The following PTPRK variants were observed in gnomAD, a reference collection of about 807,000 sequenced individuals.
The protein encoded by PTPRK is protein tyrosine phosphatase receptor type K.
In PTPRK, 75 loss-of-function variants were observed where a neutral mutation model predicts 178.0. That is an observed-to-expected ratio of 0.42 (90% CI 0.35 to 0.51). The LOEUF is 0.51. PTPRK is among the 20% of genes least tolerant of loss of function. The probability of loss-of-function intolerance (pLI) is 0.02; values close to 1 mark genes in which losing one functional copy is unlikely to be tolerated. For synonymous variants in PTPRK, 637 were observed against 620.6 expected (o/e 1.03, Z -0.39); for missense variants, 1,441 against 1,797.8 (o/e 0.80, Z 3.59).
chr6:128,482,424 G>A (rs557504312), intron 1 of PTPRK, among the ~76,000 whole-genome samples: 29 of 152,278 alleles, frequency 1.9e-4, no homozygotes, highest in African/African-American at 7.0e-4. Context: ...ATGTGGTCAT[G>A]AGACATGGGA....
intron 3 of PTPRK, among the ~76,000 whole-genome samples, chr6:128,269,028 T>G (rs1819381044): frequency 6.6e-6 from 1 of 152,174 alleles, no homozygotes; most frequent in Non-Finnish European, 1.5e-5. Context: ...AGTCTTATCA[T>G]TGGCTTTCCA....
At position 128,355,635 on chromosome 6, in the gene PTPRK, G is replaced by A. The variant is rs115228062; in HGVS notation, c.224-33325C>T. ...TAAAAAAATATTCTTTACACACACC[G>A]GGGCCTGTTGTGGGGTGGGAGGACG... On this transcript the variant is annotated intron_variant, in intron 2 of 29. Transcript: ENST00000368226. Among the ~76,000 whole-genome samples the A allele has an allele frequency of 9.1e-3, 1,385 of 152,158 alleles. 19 individuals are homozygous for A. Among genetic ancestry groups the A allele is most frequent in the African/African-American group, 0.031 (1,299 of 41,502 alleles).
At chr6:128,207,012 C>T (rs1162933550) in intron 6 of PTPRK, among the ~76,000 whole-genome samples, 1 of 152,146 alleles carries the variant, frequency 6.6e-6, no homozygotes, top group Admixed American at 6.6e-5. Context: ...TTCACAGCTG[C>T]CAAAAATCTG....
intron 3 of PTPRK, among the ~76,000 whole-genome samples, chr6:128,280,554 A>T (rs1488169500): frequency 1.3e-5 from 2 of 152,190 alleles, no homozygotes; most frequent in African/African-American, 4.8e-5. Context: ...TGTGTTCAAA[A>T]GGCACCTTTG....
chr6:128,384,385 AT>A (rs35279204), intron 2 of PTPRK, among the ~76,000 whole-genome samples: 8 of 150,526 alleles, frequency 5.3e-5, no homozygotes, highest in African/African-American at 1.9e-4. Flanking sequence ...CAATATTTCT[AT>A]TTTTTTTTTC....
At chr6:128,088,432 G>C (rs1488943910) in intron 8 of PTPRK, among the ~76,000 whole-genome samples, 1 of 151,576 alleles carries the variant, frequency 6.6e-6, no homozygotes, top group African/African-American at 2.4e-5. Context: ...AGCTACTTAA[G>C]AAGAAGTTTA....
At chr6:128,331,598 G>T (rs78661843) in intron 2 of PTPRK, among the ~76,000 whole-genome samples, 1,580 of 152,196 alleles carry the variant, frequency 0.01, 24 homozygotes, top group African/African-American at 0.034. Flanking sequence ...TTTTTGTACA[G>T]TCTAGTTTTA....
chr6:128,165,251 A>G (rs904033730), intron 7 of PTPRK, among the ~76,000 whole-genome samples: 1 of 151,404 alleles, frequency 6.6e-6, no homozygotes, highest in African/African-American at 2.4e-5. Context: ...TTTGTTATAT[A>G]AAAAAGAAAT....
At chr6:128,040,426 G>T (rs1776976728) in intron 13 of PTPRK, among the ~76,000 whole-genome samples, 1 of 151,988 alleles carries the variant, frequency 6.6e-6, no homozygotes, top group African/African-American at 2.4e-5. Context: ...CTGGGAAACA[G>T]CAGCAAATAG....
At chr6:128,096,557 A>G (rs1787931942) in intron 7 of PTPRK, among the ~76,000 whole-genome samples, 1 of 152,206 alleles carries the variant, frequency 6.6e-6, no homozygotes, top group South Asian at 2.1e-4. Context: ...GTTTTTAATG[A>G]TAAAACTTAT....
At chr6:128,508,351 G>T (rs182045990) in intron 1 of PTPRK, among the ~76,000 whole-genome samples, 279 of 152,170 alleles carry the variant, frequency 1.8e-3, no homozygotes, top group Non-Finnish European at 2.6e-3. Context: ...TAAATGAAAG[G>T]ATATAAACCT....
intron 1 of PTPRK, among the ~76,000 whole-genome samples, chr6:128,422,277 C>T (rs1181008101): frequency 6.6e-6 from 1 of 152,056 alleles, no homozygotes; most frequent in Non-Finnish European, 1.5e-5. Context: ...CTCACTCTCC[C>T]CCACCTTCTC....
At chr6:128,173,180 G>A (rs1562723467) in intron 7 of PTPRK, among the ~76,000 whole-genome samples, 2 of 151,980 alleles carry the variant, frequency 1.3e-5, no homozygotes, top group Non-Finnish European at 2.9e-5. Context: ...TGCAGCTACA[G>A]AAATCACAAT....
chr6:127,997,003 C>G lies in PTPRK; in HGVS notation c.2680-15G>C, dbSNP rs373589075. The G allele has an allele frequency of 1.5e-5, 24 of 1,606,776 alleles. No homozygotes were observed. The highest frequency in any genetic ancestry group is 2.0e-5 in the Non-Finnish European group (23 of 1,175,312). On this transcript the variant is annotated splice_polypyrimidine_tract_variant and intron_variant, in intron 16 of 29. Transcript: ENST00000368226. ...TCAAAAAAGCTCTGGGAAAACAAAA[C>G]GAATAAGCAGACTGAATTTAATTCC...
chr6:128,197,175 T>C (rs13195658), intron 6 of PTPRK, among the ~76,000 whole-genome samples: 4 of 101,420 alleles, frequency 3.9e-5, no homozygotes, highest in Non-Finnish European at 7.6e-5. Context: ...TAATCTCTTT[T>C]GTTTTTTTCT....
chr6:128,202,844 A>G (rs1806219437), intron 6 of PTPRK, among the ~76,000 whole-genome samples: 1 of 152,204 alleles, frequency 6.6e-6, no homozygotes, highest in South Asian at 2.1e-4. Flanking sequence ...AGCTGGTACC[A>G]TTTCTACGGA....
rs1774703488 is a variant in PTPRK, at chr6:128,028,454, C to T, written c.2195-19186G>A. 2.6e-5 allele frequency among the ~76,000 whole-genome samples: 4 copies of T among 152,186 alleles called. No individual in the cohort carries two copies. In the South Asian group the frequency reaches 8.3e-4, roughly 32 times the overall value. On this transcript the variant is annotated intron_variant, in intron 13 of 29. Coordinates refer to ENST00000368226, the MANE Select transcript of PTPRK (RefSeq NM_002844.4). ...TTACAGCCCTTTCTCATATCTGTATCAACATACATTTTAGCCTAATTTCTT... is the reference window on the plus strand; with the variant it reads ...TTACAGCCCTTTCTCATATCTGTATTAACATACATTTTAGCCTAATTTCTT...
chr6:128,021,367 T>G (rs1773475659), intron 13 of PTPRK, among the ~76,000 whole-genome samples: 1 of 152,220 alleles, frequency 6.6e-6, no homozygotes, highest in Admixed American at 6.5e-5. Context: ...CCGGGCGCAG[T>G]GGCTCACGCC....
At chr6:127,984,615 A>C (rs922657607) in intron 22 of PTPRK, among the ~76,000 whole-genome samples, 2 of 152,154 alleles carry the variant, frequency 1.3e-5, no homozygotes, top group African/African-American at 2.4e-5. Context: ...CTTAAGTTGA[A>C]AACCTATTTA....
Sources: gnomAD v4.1 joint callset for allele counts (sites outside exome capture counted in the v4.1 genomes callset) on GRCh38, gnomAD v4.1.1 for gene constraint, MANE v1.5 for transcripts, NCBI Gene and HGNC (gene_info 2026-07-23, HGNC 2026-07-21) for gene names.